SIPA1L1: variants seen among roughly 807,000 people sequenced by gnomAD.
SIPA1L1 encodes signal-induced proliferation-associated 1-like protein 1.
SIPA1L1 carries 26 observed loss-of-function variants against 162.7 expected under a neutral mutation model. The ratio of observed to expected loss-of-function variants is 0.16; its 90% CI spans 0.12 to 0.22. The LOEUF is 0.22. Ranked by LOEUF, SIPA1L1 falls within the 10% of genes least tolerant of loss-of-function variation. SIPA1L1 has a pLI of 1.00. For missense variants in SIPA1L1, 1,874 were observed against 2,241.0 expected (o/e 0.84, Z 3.31); for synonymous variants, 829 against 837.4 (o/e 0.99, Z 0.17).
At chr14:71,357,632 G>A (rs114396686) in intron 2 of SIPA1L1, among the ~76,000 whole-genome samples, 2,603 of 152,244 alleles carry the variant, frequency 0.017, 70 homozygotes, top group African/African-American at 0.06. Flanking sequence ...CATGATCTCC[G>A]CTCACTGCAA....
intron 12 of SIPA1L1, among the ~76,000 whole-genome samples, chr14:71,681,973 G>C (rs556632263): frequency 6.2e-4 from 94 of 152,266 alleles, no homozygotes; most frequent in African/African-American, 2.2e-3. Context: ...CCCTTTAATT[G>C]GGTTTTATAA....
chr14:71,413,948 G>A (rs1025068405), intron 2 of SIPA1L1: 5 of 152,056 alleles, frequency 3.3e-5, no homozygotes, highest in African/African-American at 1.2e-4. Context: ...TTTAATCTAG[G>A]TTTTGAGAGA....
At chr14:71,367,493 G>A (rs8019721) in intron 2 of SIPA1L1, among the ~76,000 whole-genome samples, 33,537 of 151,028 alleles carry the variant, frequency 0.22, 3,923 homozygotes, top group Middle Eastern at 0.37. Context: ...ATTTTTTACT[G>A]GAGACGGGGT....
chr14:71,698,197 C>G (rs772202200), intron 13 of SIPA1L1, among the ~76,000 whole-genome samples: 5 of 152,222 alleles, frequency 3.3e-5, no homozygotes, highest in Non-Finnish European at 7.3e-5. Flanking sequence ...CACAGCGTCA[C>G]TTACTCATAT....
At chr14:71,468,222 A>G (rs1180583708) in intron 2 of SIPA1L1, among the ~76,000 whole-genome samples, 2 of 152,226 alleles carry the variant, frequency 1.3e-5, no homozygotes, top group African/African-American at 2.4e-5. Flanking sequence ...TCTCTACTTT[A>G]AAAGCTAGAG....
intron 5 of SIPA1L1, among the ~76,000 whole-genome samples, chr14:71,603,299 A>G (rs543769052): frequency 6.6e-6 from 1 of 152,026 alleles, no homozygotes. Context: ...TTTTCAAATC[A>G]GCCGATCTAT....
intron 3 of SIPA1L1, among the ~76,000 whole-genome samples, chr14:71,525,963 G>A (rs2052829363): frequency 6.6e-6 from 1 of 152,044 alleles, no homozygotes; most frequent in Middle Eastern, 3.2e-3. Context: ...TCCTGTGTAC[G>A]CTATCTAATC....
chr14:71,614,252 A>G (rs949269529), intron 5 of SIPA1L1, among the ~76,000 whole-genome samples: 1 of 151,750 alleles, frequency 6.6e-6, no homozygotes, highest in Non-Finnish European at 1.5e-5. Context: ...GAAAATTGTG[A>G]TGCATGGTGA....
chr14:71,367,468 G>A (rs1398265309), intron 2 of SIPA1L1, among the ~76,000 whole-genome samples: 4 of 151,658 alleles, frequency 2.6e-5, no homozygotes, highest in South Asian at 2.1e-4. Flanking sequence ...CACCGCGCCC[G>A]GCTAATTTTT....
At chr14:71,542,760 T>C (rs2054592801) in intron 4 of SIPA1L1, among the ~76,000 whole-genome samples, 1 of 149,014 alleles carries the variant, frequency 6.7e-6, no homozygotes, top group African/African-American at 2.5e-5. Flanking sequence ...TTTTTTTTTT[T>C]TTTTACGAGA....
chr14:71,598,762 G>A (rs779685373), intron 5 of SIPA1L1, among the ~76,000 whole-genome samples: 5 of 152,170 alleles, frequency 3.3e-5, no homozygotes, highest in Admixed American at 6.5e-5. Context: ...TATTTGTGAG[G>A]GAGGATATCC....
intron 2 of SIPA1L1, among the ~76,000 whole-genome samples, chr14:71,396,459 C>G (rs941463840): frequency 1.3e-5 from 2 of 152,222 alleles, no homozygotes; most frequent in South Asian, 4.1e-4. Flanking sequence ...CTATTGTCCC[C>G]TGTTTGTTCA....
chr14:71,520,464 C>T (rs570207186), intron 3 of SIPA1L1, among the ~76,000 whole-genome samples: 25 of 152,238 alleles, frequency 1.6e-4, no homozygotes, highest in Admixed American at 1.4e-3. Flanking sequence ...GTGGATAGGT[C>T]AGTGAATTTC....
intron 2 of SIPA1L1, chr14:71,418,108 C>T (rs552893485): frequency 6.6e-6 from 1 of 152,270 alleles, no homozygotes; most frequent in South Asian, 2.1e-4. Context: ...TCTCACTCAG[C>T]TTTTATTTTT....
chr14:71,479,599 G>A (rs1290355996), intron 2 of SIPA1L1, among the ~76,000 whole-genome samples: 2 of 151,862 alleles, frequency 1.3e-5, no homozygotes, highest in Non-Finnish European at 2.9e-5. Context: ...ATAGAGACAA[G>A]GTCTCACTAT....
intron 5 of SIPA1L1, among the ~76,000 whole-genome samples, chr14:71,600,488 A>G (rs550473923): frequency 8.5e-5 from 13 of 152,058 alleles, no homozygotes; most frequent in Admixed American, 2.6e-4. Context: ...TGCTGTTTTG[A>G]TTACTGTAGC....
chr14:71,653,901 T>C lies in SIPA1L1; in HGVS notation c.1993+3392T>C, dbSNP rs151077501. Among the ~76,000 whole-genome samples the C allele has an allele frequency of 2.1e-3, 314 of 152,262 alleles. 2 individuals carry two copies. Among genetic ancestry groups the C allele is most frequent in the African/African-American group, 7.1e-3 (294 of 41,564 alleles). On this transcript the variant is annotated intron_variant, in intron 8 of 23. Transcript: ENST00000381232. ...GCTAGCAAGCATTAGGAAAGTAGAATAGATCCCAGTAGTGTGGTTAATGAA... is the reference window on the plus strand; with the variant it reads ...GCTAGCAAGCATTAGGAAAGTAGAACAGATCCCAGTAGTGTGGTTAATGAA...
intron 13 of SIPA1L1, among the ~76,000 whole-genome samples, chr14:71,687,600 C>T (rs2080963925): frequency 6.6e-6 from 1 of 152,226 alleles, no homozygotes; most frequent in Non-Finnish European, 1.5e-5. Context: ...CCTTGCCAGT[C>T]ATACTGACCT....
At chr14:71,516,135 G>A (rs574507652) in intron 3 of SIPA1L1, among the ~76,000 whole-genome samples, 229 of 152,290 alleles carry the variant, frequency 1.5e-3, no homozygotes, top group Admixed American at 2.9e-3. Context: ...GCTTGGCAAT[G>A]GTGACACCAG....
Sources: allele counts gnomAD v4.1 joint callset (sites outside exome capture counted in the v4.1 genomes callset), GRCh38; gene constraint gnomAD v4.1.1; transcripts MANE v1.5; gene names NCBI Gene and HGNC (gene_info 2026-07-23, HGNC 2026-07-21).